The following VTI1A variants were observed in gnomAD, a reference collection of about 807,000 sequenced individuals.
VTI1A encodes the protein vesicle transport through interaction with t-SNAREs homolog 1A.
VTI1A carries 22 observed loss-of-function variants against 34.9 expected under a neutral mutation model. The observed-to-expected ratio is 0.63, with a 90% CI of 0.45 to 0.90. The LOEUF (loss-of-function observed/expected upper bound fraction) is 0.90, where lower values mean the gene tolerates loss of function less well. VTI1A is among the 40% of genes least tolerant of loss of function. The probability of loss-of-function intolerance (pLI) is 0.00; values close to 1 mark genes in which losing one functional copy is unlikely to be tolerated. For missense variants in VTI1A, 268 were observed against 275.6 expected (o/e 0.97, Z 0.20); for synonymous variants, 87 against 97.3 (o/e 0.89, Z 0.62).
intron 7 of VTI1A, among the ~76,000 whole-genome samples, chr10:112,776,404 G>A (rs764906049): frequency 6.6e-6 from 1 of 152,168 alleles, no homozygotes; most frequent in Non-Finnish European, 1.5e-5. Context: ...GGCTGGTGCA[G>A]GGGAGTGCAG....
chr10:112,484,341 AT>A (rs1848547327), intron 3 of VTI1A, among the ~76,000 whole-genome samples: 1 of 152,234 alleles, frequency 6.6e-6, no homozygotes, highest in African/African-American at 2.4e-5. Context: ...AACTTTTCAC[AT>A]TGCTTTAAAT....
chr10:112,792,753 G>GGTTTAAAAGAGCCTTTAAA (rs1852529556), intron 7 of VTI1A, among the ~76,000 whole-genome samples: 1 of 152,158 alleles, frequency 6.6e-6, no homozygotes, highest in African/African-American at 2.4e-5. Context: ...TAAAAGAGGG[G>GGTTTAAAAGAGCCTTTAAA]AAAGGTGGGG....
chr10:112,459,432 A>G (rs1033550326), intron 1 of VTI1A, among the ~76,000 whole-genome samples: 3 of 152,226 alleles, frequency 2.0e-5, no homozygotes, highest in African/African-American at 4.8e-5. Context: ...ATATATGCCT[A>G]TCCCACCGCC....
At chr10:112,540,995 A>G (rs1412076840) in intron 5 of VTI1A, among the ~76,000 whole-genome samples, 1 of 152,242 alleles carries the variant, frequency 6.6e-6, no homozygotes, top group Non-Finnish European at 1.5e-5. Flanking sequence ...GAAGAGAAGT[A>G]GAACATAGTG....
intron 7 of VTI1A, among the ~76,000 whole-genome samples, chr10:112,703,802 A>G (rs1849098608): frequency 6.6e-6 from 1 of 152,194 alleles, no homozygotes; most frequent in Admixed American, 6.5e-5. Flanking sequence ...AGATTTTGAT[A>G]GATGCACTGT....
At chr10:112,567,632 T>G (rs1297311203) in intron 5 of VTI1A, among the ~76,000 whole-genome samples, 1 of 152,232 alleles carries the variant, frequency 6.6e-6, no homozygotes, top group Non-Finnish European at 1.5e-5. Flanking sequence ...GGCAGATGAT[T>G]CTTTTTTAGC....
At chr10:112,852,842 A>C in the VTI1A span, among the ~76,000 whole-genome samples, 1 of 152,178 alleles carries the variant, frequency 6.6e-6, no homozygotes, top group African/African-American at 2.4e-5. Flanking sequence ...GTGGTGGCAC[A>C]ATCTCAGCTC....
At chr10:112,768,472 T>A (rs1851709801) in intron 7 of VTI1A, among the ~76,000 whole-genome samples, 1 of 152,206 alleles carries the variant, frequency 6.6e-6, no homozygotes, top group African/African-American at 2.4e-5. Flanking sequence ...ACATTTGGTA[T>A]TCCCCCATGA....
At chr10:112,776,803 G>A (rs1311324514) in intron 7 of VTI1A, among the ~76,000 whole-genome samples, 2 of 149,704 alleles carry the variant, frequency 1.3e-5, no homozygotes, top group Admixed American at 1.3e-4. Flanking sequence ...TCAGCCTCCC[G>A]AGTAGCTGGG....
intron 5 of VTI1A, among the ~76,000 whole-genome samples, chr10:112,656,044 G>A (rs923179916): frequency 4.6e-5 from 7 of 152,198 alleles, no homozygotes; most frequent in African/African-American, 1.7e-4. Context: ...GCTGGAAGCT[G>A]AAAAGTGAAG....
At chr10:112,748,719 G>A (rs978262384) in intron 7 of VTI1A, among the ~76,000 whole-genome samples, 5 of 142,502 alleles carry the variant, frequency 3.5e-5, no homozygotes, top group South Asian at 2.3e-4. Flanking sequence ...TCCGCCTCCC[G>A]GGTTCACGCC....
At chr10:112,711,749 C>G (rs1234591346) in intron 7 of VTI1A, among the ~76,000 whole-genome samples, 2 of 152,208 alleles carry the variant, frequency 1.3e-5, no homozygotes, top group Non-Finnish European at 2.9e-5. Context: ...TGGTCCATAG[C>G]GTACCAACTG....
chr10:112,549,020 G>A (rs1216370475), intron 5 of VTI1A: 6 of 598,466 alleles, frequency 1.0e-5, no homozygotes, highest in South Asian at 2.1e-5. Context: ...TATTTTGAGT[G>A]TTCACTGTGC....
chr10:112,794,282 C>T (rs911309645), intron 7 of VTI1A, among the ~76,000 whole-genome samples: 2 of 152,120 alleles, frequency 1.3e-5, no homozygotes, highest in Non-Finnish European at 2.9e-5. Context: ...CCTGGCCAGG[C>T]GCATTGGCTC....
intron 5 of VTI1A, among the ~76,000 whole-genome samples, chr10:112,544,720 G>T (rs1419961786): frequency 6.6e-6 from 1 of 152,148 alleles, no homozygotes; most frequent in Non-Finnish European, 1.5e-5. Context: ...GCCTTGAATG[G>T]TACCAAGATG....
intron 7 of VTI1A, among the ~76,000 whole-genome samples, chr10:112,761,617 C>T (rs1037187975): frequency 6.6e-6 from 1 of 152,062 alleles, no homozygotes; most frequent in Non-Finnish European, 1.5e-5. Flanking sequence ...CAATGTGTTA[C>T]CTCTAAGTTA....
chr10:112,726,104 G>A (rs1467304488), intron 7 of VTI1A, among the ~76,000 whole-genome samples: 3 of 152,126 alleles, frequency 2.0e-5, no homozygotes, highest in Non-Finnish European at 4.4e-5. Context: ...AGTCTTCCTT[G>A]GTATCTCATC....
At chr10:112,790,917 A>G (rs1852449829) in intron 7 of VTI1A, among the ~76,000 whole-genome samples, 1 of 152,140 alleles carries the variant, frequency 6.6e-6, no homozygotes, top group South Asian at 2.1e-4. Context: ...TTGCAATGAA[A>G]GACCTCATCT....
intron 5 of VTI1A, among the ~76,000 whole-genome samples, chr10:112,580,232 TC>T (rs1843872062): frequency 6.6e-6 from 1 of 152,108 alleles, no homozygotes; most frequent in Admixed American, 6.5e-5. Flanking sequence ...GAGAAACACT[TC>T]CTCTGAAGCA....
Sources: allele counts gnomAD v4.1 joint callset (sites outside exome capture counted in the v4.1 genomes callset), GRCh38; gene constraint gnomAD v4.1.1; transcripts MANE v1.5; gene names NCBI Gene and HGNC (gene_info 2026-07-23, HGNC 2026-07-21).